CNOT3: variants seen among roughly 807,000 people sequenced by gnomAD.
CNOT3 encodes CCR4-associated factor 3.
In CNOT3, 2 loss-of-function variants were observed where a neutral mutation model predicts 89.4. The observed-to-expected ratio is 0.02, with a 90% confidence interval of 0.01 to 0.07. The LOEUF (loss-of-function observed/expected upper bound fraction) is 0.07. CNOT3 is among the 10% of genes least tolerant of loss of function. The pLI is 1.00. For synonymous variants in CNOT3, 486 were observed against 402.0 expected, an observed-to-expected ratio of 1.21 and a Z score of -2.50; for missense variants, 664 against 1,010.2, an observed-to-expected ratio of 0.66 and a Z score of 4.65.
At position 54,148,866 on chromosome 19, in the gene CNOT3, C is replaced by A; in HGVS notation, c.1406+123C>A. On this transcript the variant is annotated intron_variant, in intron 12 of 17. Coordinates refer to ENST00000221232, the MANE Select transcript of CNOT3 (RefSeq NM_014516.4). The surrounding 1 kb of genome is among the most constrained non-coding windows in gnomAD (Gnocchi z 6.3). ...GCCCTTGCTGCTGGGAATGGCCAAG[C>A]GCTATCCTCCATCTCCCTCGGGTGT... 1.2e-6 allele frequency: 1 copy of A among 802,978 alleles called. No individual in the cohort carries two copies. The highest frequency in any genetic ancestry group is 2.0e-6 in the Non-Finnish European group (1 of 512,800). The allele number at this position is 802,978 out of a possible 1,614,324, so 49.7% of individuals were successfully genotyped here.
Position 54,143,532 on chromosome 19 carries a change from G to T in CNOT3, c.168+16G>T. The T allele has an allele frequency of 6.2e-7, 1 of 1,613,442 alleles. No homozygotes were observed. The highest frequency in any genetic ancestry group is 8.5e-7 in the Non-Finnish European group (1 of 1,179,458). On this transcript the variant is annotated intron_variant, in intron 4 of 17. Transcript: ENST00000221232. ...GAAGCTACAAGTGAGGGGGCTGGGGGCCTGGACGCCTTTGTCCTGAGGGTA... is the reference window on the plus strand; with the variant it reads ...GAAGCTACAAGTGAGGGGGCTGGGGTCCTGGACGCCTTTGTCCTGAGGGTA...
In CNOT3 at chr19:54,152,437, T is replaced by C; in HGVS notation, c.1715T>C (p.Leu572Pro). The C allele has an allele frequency of 6.2e-7, 1 of 1,614,146 alleles. No homozygotes were observed. The highest frequency in any genetic ancestry group is 8.5e-7 in the Non-Finnish European group (1 of 1,180,002). ...TLHLTERDII[L>P]SSTSAPPASA... The stretch of plus-strand genomic sequence containing the variant: ...CCCACCCTCCCCACAGACATCATCC[T>C]GAGCAGTACATCAGCACCTCCGGCC... Residue 572 changes from leucine to proline, a missense_variant, in exon 15 of 18, where the codon CTG becomes CCG. Physicochemically the swap from Leu to Pro is moderately conservative, Grantham distance 98 (BLOSUM62 -3). Around this residue, in one of 8 missense-constraint regions of CNOT3, gnomAD observed 545 missense variants for 566.2 expected, o/e 0.96. Transcript: ENST00000221232.
At chr19:54,138,399 C>T (rs1359448178) in intron 1 of CNOT3, among the ~76,000 whole-genome samples, 1 of 152,076 alleles carries the variant, frequency 6.6e-6, no homozygotes, top group Non-Finnish European at 1.5e-5. Context: ...CGCCCCTGGT[C>T]CCAGGTGCCC....
chr19:54,140,290 G>A (rs1297277145), intron 1 of CNOT3, among the ~76,000 whole-genome samples: 3 of 152,126 alleles, frequency 2.0e-5, no homozygotes, highest in Admixed American at 6.6e-5. Flanking sequence ...TTCCCTGTGG[G>A]GATGTGTGTT....
At chr19:54,142,703 T>C in intron 1 of CNOT3, 2 of 588,718 alleles carry the variant, frequency 3.4e-6, no homozygotes, top group Non-Finnish European at 6.1e-6. Context: ...CAAAAAAGTA[T>C]GTAACTTTTC....
At chr19:54,143,236 A>G in intron 3 of CNOT3, 50 bp downstream of exon 3, 1 of 1,543,400 alleles carries the variant, frequency 6.5e-7, no homozygotes, top group Non-Finnish European at 8.9e-7. Context: ...AGGAGGGCAC[A>G]GGAAGGCGGC....
chr19:54,154,129 G>A (rs928622864), intron 17 of CNOT3: 9 of 650,860 alleles, frequency 1.4e-5, no homozygotes, highest in African/African-American at 8.9e-5. Context: ...TGCAGTGCTG[G>A]GCACACTCGC....
intron 10 of CNOT3, among the ~76,000 whole-genome samples, chr19:54,147,423 C>T (rs752415770): frequency 9.1e-4 from 138 of 152,176 alleles, no homozygotes; most frequent in Non-Finnish European, 1.7e-3. Context: ...AGGAGAGACA[C>T]TGAGGCAGGT....
rs1421599328 is a variant in CNOT3, at chr19:54,146,697, C to T, written c.894+40C>T. On this transcript the variant is annotated intron_variant, in intron 10 of 17. Coordinates refer to ENST00000221232, the MANE Select transcript of CNOT3 (RefSeq NM_014516.4). ...GGACCGGGTGGGCACGCCATTCACT[C>T]CTCTGTTGCTTCCCAAAGGCATCTT... The T allele has an allele frequency of 9.7e-6, 11 of 1,136,124 alleles. No individual in the cohort carries two copies. In the Middle Eastern group the frequency reaches 7.6e-4, roughly 79 times the overall value. The allele number at this position is 1,136,124 out of a possible 1,614,324, so 70.4% of individuals were successfully genotyped here. A position where few individuals can be genotyped will look rare whatever the true frequency, so the allele number is the denominator to read the frequency against.
intron 1 of CNOT3, among the ~76,000 whole-genome samples, chr19:54,141,158 C>CA (rs2074434147): frequency 6.6e-6 from 1 of 152,184 alleles, no homozygotes; most frequent in Admixed American, 6.5e-5. Flanking sequence ...CTCCCTGGGT[C>CA]AAAGAGGCTT....
intron 13 of CNOT3, among the ~76,000 whole-genome samples, chr19:54,150,707 C>T (rs1477516676): frequency 1.3e-5 from 2 of 149,270 alleles, no homozygotes; most frequent in South Asian, 2.1e-4. Flanking sequence ...CACGATTATA[C>T]CTACTATGTA....
rs1299895742 is a variant in CNOT3 at position 54,143,682 on chromosome 19, C to T, written c.191C>T (p.Thr64Ile). 1 of 1,613,824 alleles carries T rather than the reference C, an allele frequency of 6.2e-7. No homozygotes were observed. The highest frequency in any genetic ancestry group is 8.5e-7 in the Non-Finnish European group (1 of 1,179,994). Residue 64 changes from threonine (T) to isoleucine (I), a missense_variant, in exon 5 of 18, where the codon ACA (threonine) becomes ATA (isoleucine). Physicochemically the swap from Thr to Ile is moderately conservative, Grantham distance 89. Around this residue, in one of 8 missense-constraint regions of CNOT3, gnomAD observed 27 missense variants for 158.2 expected, o/e 0.17. Transcript: ENST00000221232. Reference sequence around the variant, plus strand: ...CAGCGGCTGAGGGACCAAATCAAGACATGGGTAGCGTCCAACGAGATCAAG... The same window carrying T: ...CAGCGGCTGAGGGACCAAATCAAGATATGGGTAGCGTCCAACGAGATCAAG... ...KLQRLRDQIKTWVASNEIKDK... is the reference protein window; with the variant it reads ...KLQRLRDQIKIWVASNEIKDK...
chr19:54,145,427 C>T lies in CNOT3; in HGVS notation c.484-171C>T, dbSNP rs1307429801. ...CAAGATGTCAAGGCTAAGATTGGTCCCCACAGGGCTCAGAGGGTGGGTGGA... is the reference window on the plus strand; with the variant it reads ...CAAGATGTCAAGGCTAAGATTGGTCTCCACAGGGCTCAGAGGGTGGGTGGA... On this transcript the variant is annotated intron_variant, in intron 7 of 17. Coordinates refer to ENST00000221232, the MANE Select transcript of CNOT3 (RefSeq NM_014516.4). The surrounding 1 kb of genome is among the most constrained non-coding windows in gnomAD (Gnocchi z 5.9). 5 of 605,970 alleles carry T rather than the reference C, an allele frequency of 8.3e-6. No individual in the cohort carries two copies. The highest frequency in any genetic ancestry group is 4.2e-4 in the Middle Eastern group (1 of 2,408). 37.5% of individuals were successfully genotyped at this position (605,970 alleles called of 1,614,324 possible).
chr19:54,154,382 G>T, intron 17 of CNOT3: 1 of 238,742 alleles, frequency 4.2e-6, no homozygotes, highest in South Asian at 5.3e-5. Context: ...GGCGACTCTA[G>T]GCAAGTCACT....
intron 9 of CNOT3, 53 bp downstream of exon 9, chr19:54,146,096 A>AGGAGACAAATCTGG: frequency 6.3e-7 from 1 of 1,596,436 alleles, no homozygotes; most frequent in East Asian, 2.2e-5. Flanking sequence ...GCAGGACTCG[A>AGGAGACAAATCTGG]GGAGACAAAT....
Position 54,143,698 on chromosome 19 carries a change from C to T in CNOT3, c.207C>T (p.Asn69=), listed in dbSNP as rs148048226. The change falls in exon 5 of 18, where the codon AAC becomes AAT. Residue 69 remains asparagine, a synonymous_variant. Coordinates refer to ENST00000221232, the MANE Select transcript of CNOT3 (RefSeq NM_014516.4). The stretch of plus-strand genomic sequence containing the variant: ...AAATCAAGACATGGGTAGCGTCCAA[C>T]GAGATCAAGGACAAGAGGCAGCTTA... The part of the protein sequence containing the change: ...RDQIKTWVAS[N]EIKDKRQLID... 3.4e-4 allele frequency: 544 copies of T among 1,613,936 alleles called. 1 individual carries two copies. Among genetic ancestry groups the T allele is most frequent in the Non-Finnish European group, 4.0e-4 (475 of 1,179,988 alleles).
At chr19:54,147,936 G>A (rs909085019) in intron 10 of CNOT3, among the ~76,000 whole-genome samples, 1 of 152,190 alleles carries the variant, frequency 6.6e-6, no homozygotes, top group South Asian at 2.1e-4. Flanking sequence ...AAGCTGGGCA[G>A]GCTGGAAATC....
Position 54,153,709 on chromosome 19 carries a change from C to T in CNOT3, c.2038-6C>T. The T allele has an allele frequency of 6.2e-7, 1 of 1,613,606 alleles. No individual in the cohort carries two copies. Among genetic ancestry groups the T allele is most frequent in the South Asian group, 1.1e-5 (1 of 91,068 alleles). On this transcript the variant is annotated splice_polypyrimidine_tract_variant and splice_region_variant and intron_variant, in intron 16 of 17. Transcript: ENST00000221232. ...CTGATCCCCCTCTCCACTGTTCCTC[C>T]CCCAGGGCACTAAGGCACAGTATCT...
chr19:54,143,090 T>C (rs2146563778), intron 2 of CNOT3, 29 bp from the exon 3 acceptor site: 2 of 1,613,042 alleles, frequency 1.2e-6, no homozygotes, highest in Middle Eastern at 3.3e-4. Context: ...CTGGGCAGGA[T>C]TCTCACAGCC....
Sources: allele counts gnomAD v4.1 joint callset (sites outside exome capture counted in the v4.1 genomes callset), GRCh38; gene constraint gnomAD v4.1.1; regional missense constraint gnomAD v4.1.1; non-coding constraint Gnocchi (gnomAD v3.1); transcripts MANE v1.5; gene names NCBI Gene and HGNC (gene_info 2026-07-23, HGNC 2026-07-21).